The following SPATA21 variants were observed in gnomAD, a reference collection of about 807,000 sequenced individuals.
SPATA21 encodes spermatogenesis associated 21.
SPATA21 carries 47 observed loss-of-function variants against 54.8 expected under a neutral mutation model. The ratio of observed to expected loss-of-function variants is 0.86; its 90% CI spans 0.68 to 1.09. The LOEUF is 1.09. Ranked by LOEUF, SPATA21 falls within the 50% of genes least tolerant of loss-of-function variation. The probability of loss-of-function intolerance (pLI) is 0.00; values close to 1 mark genes in which losing one functional copy is unlikely to be tolerated. For missense variants in SPATA21, 599 were observed against 596.4 expected (o/e 1.00, Z -0.05); for synonymous variants, 245 against 235.3 (o/e 1.04, Z -0.38).
At chr1:16,414,075 T>A (rs185501025) in intron 5 of SPATA21, among the ~76,000 whole-genome samples, 6 of 152,146 alleles carry the variant, frequency 3.9e-5, no homozygotes, top group East Asian at 1.9e-4. Flanking sequence ...TCTTTTTTTT[T>A]ATTTTTTTGG....
rs140106165 is a variant in SPATA21 at position 16,428,973 on chromosome 1, A to G, written c.34+2365T>C. ...CAGCTGGGTAAGTGGTGGGACTGGGACCCCATGACGGTGCTTGTTGAAAAA... is the reference window on the plus strand; with the variant it reads ...CAGCTGGGTAAGTGGTGGGACTGGGGCCCCATGACGGTGCTTGTTGAAAAA... On this transcript the variant is annotated intron_variant, in intron 3 of 12. Transcript: ENST00000335496. This position sits in a 1 kb window ranked among gnomAD's most constrained non-coding sequence, Gnocchi z 4.3. 4.6e-3 allele frequency among the ~76,000 whole-genome samples: 705 copies of G among 152,188 alleles called. 2 individuals are homozygous for G. The highest frequency in any genetic ancestry group is 8.4e-3 in the Non-Finnish European group (573 of 67,990).
In SPATA21 at chr1:16,400,236, C is replaced by T. The variant is rs1369769496; in HGVS notation, c.1174+484G>A. Among the ~76,000 whole-genome samples the T allele has an allele frequency of 3.9e-5, 6 of 152,170 alleles. 1 individual carries two copies. Among genetic ancestry groups the T allele is most frequent in the African/African-American group, 1.4e-4 (6 of 41,524 alleles). On this transcript the variant is annotated intron_variant, in intron 11 of 12. Coordinates refer to ENST00000335496, the MANE Select transcript of SPATA21 (RefSeq NM_198546.1). ...TTCACCATGTTGGCCAGGATGGTCT[C>T]GAACTTCTGACCTCAGGTGATCCGC...
rs368122946 is a variant in SPATA21 at position 16,401,794 on chromosome 1, A to G, written c.1002-902T>C. ...CCCTGCAACCTGTAGTTACCCAATT[A>G]TAGCCCGCAACCCACTTGATTTTCT... On this transcript the variant is annotated intron_variant, in intron 10 of 12. Transcript: ENST00000335496. Among the ~76,000 whole-genome samples the G allele has an allele frequency of 3.9e-5, 6 of 152,230 alleles. No homozygotes were observed. The East Asian group carries it at 1.2e-3, about 29-fold the overall frequency.
intron 5 of SPATA21, among the ~76,000 whole-genome samples, chr1:16,420,158 C>T (rs1489784028): frequency 1.3e-5 from 2 of 151,974 alleles, no homozygotes; most frequent in East Asian, 3.9e-4. Flanking sequence ...CTGGAGAAGG[C>T]AGCATTGAGG....
chr1:16,400,928 G>A (rs747487808), intron 10 of SPATA21, 36 bp from the exon 11 acceptor site: 2 of 1,597,672 alleles, frequency 1.3e-6, no homozygotes, highest in Non-Finnish European at 1.7e-6. Context: ...CAGCCTGGCT[G>A]TGTTTAATTC....
intron 1 of SPATA21, among the ~76,000 whole-genome samples, chr1:16,436,374 G>A (rs551878059): frequency 6.9e-6 from 1 of 145,774 alleles, no homozygotes; most frequent in East Asian, 2.0e-4. Flanking sequence ...ATGACAGGGT[G>A]AGACTCTGTC....
chr1:16,412,500 T>C (rs893719324), intron 5 of SPATA21, among the ~76,000 whole-genome samples: 7 of 152,224 alleles, frequency 4.6e-5, no homozygotes, highest in Non-Finnish European at 7.3e-5. Context: ...TCTCACTCTG[T>C]TGCCCAGGCT....
At chr1:16,435,968 A>T (rs926165908) in intron 1 of SPATA21, among the ~76,000 whole-genome samples, 13 of 152,246 alleles carry the variant, frequency 8.5e-5, no homozygotes, top group African/African-American at 3.1e-4. Context: ...AGTCCCATTT[A>T]TCGGCCTGGT....
chr1:16,405,493 G>GAA (rs538611012), intron 7 of SPATA21, among the ~76,000 whole-genome samples: 1,823 of 81,222 alleles, frequency 0.022, 56 homozygotes, highest in African/African-American at 0.09. Context: ...AAATAAAAAT[G>GAA]AAAAAAAAAA....
At chr1:16,417,261 T>G (rs1045668829) in intron 5 of SPATA21, among the ~76,000 whole-genome samples, 4 of 151,808 alleles carry the variant, frequency 2.6e-5, no homozygotes, top group Admixed American at 6.5e-5. Context: ...CTTTCTTTTC[T>G]TTGCCTTTTT....
At chr1:16,415,008 C>G (rs2085960085) in intron 5 of SPATA21, among the ~76,000 whole-genome samples, 1 of 150,558 alleles carries the variant, frequency 6.6e-6, no homozygotes, top group Non-Finnish European at 1.5e-5. Flanking sequence ...GGCAAATGCT[C>G]AATTTCTGTC....
At chr1:16,419,641 T>A (rs938318000) in intron 5 of SPATA21, among the ~76,000 whole-genome samples, 4 of 152,138 alleles carry the variant, frequency 2.6e-5, no homozygotes, top group African/African-American at 9.7e-5. Flanking sequence ...AACATGGAAT[T>A]TAAAGGCAAG....
At chr1:16,413,201 C>G (rs2902589) in intron 5 of SPATA21, among the ~76,000 whole-genome samples, 42,090 of 152,124 alleles carry the variant, frequency 0.28, 6,482 homozygotes, top group East Asian at 0.74. Flanking sequence ...CCCCCGGGCC[C>G]TGGCAACTAC....
chr1:16,407,694 G>A (rs1351857717), intron 7 of SPATA21, among the ~76,000 whole-genome samples: 2 of 151,948 alleles, frequency 1.3e-5, no homozygotes, highest in African/African-American at 4.8e-5. Context: ...TCCTGACCTC[G>A]TGATCCACCC....
At chr1:16,411,802 AAAAAAAC>A (rs1557656130) in intron 5 of SPATA21, among the ~76,000 whole-genome samples, 1 of 134,286 alleles carries the variant, frequency 7.4e-6, no homozygotes, top group Non-Finnish European at 1.6e-5. Context: ...AAAAAAAAAA[AAAAAAAC>A]AAAACAAAAC....
intron 3 of SPATA21, among the ~76,000 whole-genome samples, chr1:16,429,293 G>A (rs555167186): frequency 8.5e-4 from 128 of 151,158 alleles, no homozygotes; most frequent in Non-Finnish European, 1.6e-3. Context: ...GTGAGCCACC[G>A]CGCCTGGCTT....
rs1044476829 is a variant in SPATA21, at chr1:16,405,255, A to G, written c.674-151T>C. ...GTTGGCTCACACCTGTAATCCCAACATTTTGGGAGGCTGAGGCAGGCAGAT... is the reference window on the plus strand; with the variant it reads ...GTTGGCTCACACCTGTAATCCCAACGTTTTGGGAGGCTGAGGCAGGCAGAT... On this transcript the variant is annotated intron_variant, in intron 7 of 12. Transcript: ENST00000335496. 16 of 1,144,498 alleles carry G rather than the reference A, an allele frequency of 1.4e-5. No homozygotes were observed. In the African/African-American group the frequency reaches 2.1e-4, roughly 15 times the overall value. The allele number at this position is 1,144,498 out of a possible 1,614,324, so 70.9% of individuals were successfully genotyped here.
rs757112507 is a variant in SPATA21, at chr1:16,400,807, G to T, written c.1087C>A (p.Pro363Thr). ...CTCTCTTCTTGCTGGGGGTTGTAGG[G>T]AAGCTTCTGCAACCGCAGCCGGCCT... ...AVGRLRLQKL[P>T]YNPQQEESSE... is the part of the protein sequence containing the mutation. Residue 363 changes from proline (P) to threonine (T), a missense_variant, in exon 11 of 13, where the codon CCC becomes ACC. Coordinates refer to ENST00000335496, the MANE Select transcript of SPATA21 (RefSeq NM_198546.1). The T allele has an allele frequency of 1.9e-6, 3 of 1,610,542 alleles. No homozygotes were observed. Among genetic ancestry groups the T allele is most frequent in the Non-Finnish European group, 2.5e-6 (3 of 1,178,928 alleles).
At chr1:16,402,254 T>TC (rs2085472550) in intron 10 of SPATA21, among the ~76,000 whole-genome samples, 1 of 118,568 alleles carries the variant, frequency 8.4e-6, no homozygotes, top group South Asian at 3.0e-4. Flanking sequence ...CCATTCTTTT[T>TC]TTTTTTTTTT....
Sources: gnomAD v4.1 joint callset for allele counts (sites outside exome capture counted in the v4.1 genomes callset) on GRCh38, gnomAD v4.1.1 for gene constraint, Gnocchi (gnomAD v3.1) non-coding constraint, MANE v1.5 for transcripts, NCBI Gene and HGNC (gene_info 2026-07-23, HGNC 2026-07-21) for gene names.